The following EXOC3L4 variants were observed in gnomAD, a reference collection of about 807,000 sequenced individuals.
EXOC3L4 encodes exocyst complex component 3 like 4.
EXOC3L4 carries 62 observed loss-of-function variants against 69.7 expected under a neutral mutation model. The observed-to-expected ratio is 0.89, with a 90% confidence interval of 0.72 to 1.10. The LOEUF (loss-of-function observed/expected upper bound fraction) is 1.10, where lower values mean the gene tolerates loss of function less well. Among genes scored for constraint, EXOC3L4 ranks in the 50% least tolerant of loss-of-function variants. The probability of loss-of-function intolerance (pLI) is 0.00; values close to 1 mark genes in which losing one functional copy is unlikely to be tolerated. For synonymous variants in EXOC3L4, 502 were observed against 464.2 expected, an observed-to-expected ratio of 1.08 and a Z score of -1.05; for missense variants, 1,087 against 1,034.8, an observed-to-expected ratio of 1.05 and a Z score of -0.69.
chr14:103,109,941 T>TAACTC, intron 11 of EXOC3L4, 90 bp from the exon 12 acceptor site: 1 of 1,360,054 alleles, frequency 7.4e-7, no homozygotes. Flanking sequence ...TGACTCATAC[T>TAACTC]AACTCCCAAG....
intron 10 of EXOC3L4, among the ~76,000 whole-genome samples, 185 bp downstream of exon 10, chr14:103,107,968 T>G (rs1890666646): frequency 6.6e-6 from 1 of 152,062 alleles, no homozygotes; most frequent in African/African-American, 2.4e-5. Flanking sequence ...GGGCGGCACT[T>G]TGCATACATT....
Position 103,107,625 on chromosome 14 carries a change from G to T in EXOC3L4, c.1702-6G>T. 6.3e-7 allele frequency: 1 copy of T among 1,595,222 alleles called. No homozygotes were observed. The highest frequency in any genetic ancestry group is 1.1e-5 in the South Asian group (1 of 89,482). On this transcript the variant is annotated splice_polypyrimidine_tract_variant and splice_region_variant and intron_variant, in intron 9 of 11. Transcript: ENST00000688303. ...CTGACCCTGACCCTGACCCTGGGCCGCCCAGGAGACTCTGCAGGAGGTGCA... is the reference window on the plus strand; with the variant it reads ...CTGACCCTGACCCTGACCCTGGGCCTCCCAGGAGACTCTGCAGGAGGTGCA...
chr14:103,098,658 C>T (rs56839309), intron 1 of EXOC3L4: 9,683 of 152,336 alleles, frequency 0.064, 481 homozygotes, highest in South Asian at 0.13. Context: ...CTTCACAACA[C>T]CCCTGCCCTG....
At chr14:103,107,345 TG>T in intron 8 of EXOC3L4, 78 bp from the exon 9 acceptor site, 1 of 1,560,068 alleles carries the variant, frequency 6.4e-7, no homozygotes. Flanking sequence ...GGGTCAGGAG[TG>T]GCACACTGGG....
intron 4 of EXOC3L4, 53 bp from the exon 5 acceptor site, chr14:103,104,214 C>A (rs1215174973): frequency 1.3e-6 from 2 of 1,495,826 alleles, no homozygotes; most frequent in Non-Finnish European, 1.8e-6. Context: ...TCCCGGACGG[C>A]GCGGGACGGG....
At chr14:103,096,483 G>C (rs982540917) in intron 1 of EXOC3L4, among the ~76,000 whole-genome samples, 15 of 148,988 alleles carry the variant, frequency 1.0e-4, no homozygotes, top group Middle Eastern at 7.4e-3. Flanking sequence ...GAGGGTAGCT[G>C]TTGCCAGCTC....
chr14:103,106,236 C>G (rs1387697889), intron 7 of EXOC3L4, among the ~76,000 whole-genome samples: 1 of 152,254 alleles, frequency 6.6e-6, no homozygotes, highest in Admixed American at 6.5e-5. Context: ...GCATGACCAT[C>G]AGGCACTGCT....
rs1258191957 is a variant in EXOC3L4, at chr14:103,110,037, C to T, written c.1983C>T (p.Asp661=). 6.3e-7 allele frequency: 1 copy of T among 1,595,264 alleles called. No homozygotes were observed. The highest frequency in any genetic ancestry group is 1.3e-5 in the African/African-American group (1 of 74,750). The stretch of plus-strand genomic sequence containing the variant: ...TGCCCGCATGTCTCTGCAGGCGGGA[C>T]CACATACTGGCCATTCTGGCGCTGC... ...LIRSYPDIRR[D]HILAILALRR... Residue 661 remains aspartate, a synonymous_variant, in exon 12 of 12, where the codon GAC becomes GAT. Transcript: ENST00000688303.
intron 3 of EXOC3L4, among the ~76,000 whole-genome samples, chr14:103,103,060 C>A (rs959441160): frequency 4.6e-5 from 7 of 152,154 alleles, no homozygotes; most frequent in African/African-American, 9.6e-5. Flanking sequence ...TGCCTTTGGG[C>A]GCATCAGAAA....
In EXOC3L4 at chr14:103,097,707, C is replaced by T. The variant is rs983482267; in HGVS notation, c.-16-2497C>T. Among the ~76,000 whole-genome samples, 2 of 152,102 alleles carry T rather than the reference C, an allele frequency of 1.3e-5. No homozygotes were observed. Among genetic ancestry groups the T allele is most frequent in the East Asian group, 3.9e-4 (2 of 5,190 alleles). On this transcript the variant is annotated intron_variant, in intron 1 of 11. Transcript: ENST00000688303. This position sits in a 1 kb window ranked among gnomAD's most constrained non-coding sequence, Gnocchi z 4.9. ...CACTGAGCAGATAGATGGTGACGGC[C>T]GGTGGTGCAAGGCATCTGAACCCCG...
chr14:103,105,588 T>C (rs1217508237), intron 7 of EXOC3L4, among the ~76,000 whole-genome samples: 1 of 152,036 alleles, frequency 6.6e-6, no homozygotes. Context: ...TTTCCCTCCC[T>C]TCATCCCAGG....
At chr14:103,108,881 A>G (rs1279634854) in intron 11 of EXOC3L4, among the ~76,000 whole-genome samples, 2 of 152,046 alleles carry the variant, frequency 1.3e-5, no homozygotes, top group African/African-American at 4.8e-5. Flanking sequence ...GGGGTCGGTG[A>G]GTCATCCAAG....
At position 103,100,584 on chromosome 14, in the gene EXOC3L4, C is replaced by A; in HGVS notation, c.365C>A (p.Ala122Glu). The part of the protein sequence containing the change: ...NGVSQQASTG[A>E]ASEELKPEAE... ...GTCAGCCAGCAGGCATCCACTGGGG[C>A]AGCGTCTGAGGAACTGAAACCCGAG... The change falls in exon 2 of 12, where the codon GCA becomes GAA. Residue 122 changes from alanine (A) to glutamate (E), a missense_variant. Transcript: ENST00000688303. 1 of 1,607,108 alleles carries A rather than the reference C, an allele frequency of 6.2e-7. No homozygotes were observed.
chr14:103,106,327 C>T (rs2139503832), intron 7 of EXOC3L4, among the ~76,000 whole-genome samples: 1 of 152,362 alleles, frequency 6.6e-6, no homozygotes, highest in Middle Eastern at 3.4e-3. Flanking sequence ...AGGGAGCGTT[C>T]TCTGCCCCTT....
At chr14:103,109,161 C>T (rs1335482205) in intron 11 of EXOC3L4, among the ~76,000 whole-genome samples, 1 of 138,584 alleles carries the variant, frequency 7.2e-6, no homozygotes, top group African/African-American at 2.8e-5. Context: ...TCCCTCTCCA[C>T]CACCTGTCCC....
chr14:103,098,221 G>A (rs1034748854), intron 1 of EXOC3L4, among the ~76,000 whole-genome samples: 90 of 152,038 alleles, frequency 5.9e-4, no homozygotes, highest in Non-Finnish European at 1.5e-4. Flanking sequence ...CTTACCCGGC[G>A]CTCGTCTGGG....
chr14:103,104,692 AGGTCGGG>A (rs1333059078), intron 5 of EXOC3L4, 39 bp from the exon 6 acceptor site: 19 of 1,413,050 alleles, frequency 1.3e-5, no homozygotes, highest in Non-Finnish European at 1.7e-5. Context: ...CCGCGGCCTC[AGGTCGGG>A]GGCTGGGAGG....
chr14:103,096,654 G>A lies in EXOC3L4; in HGVS notation c.-17+1814G>A, dbSNP rs1295962181. Among the ~76,000 whole-genome samples the A allele has an allele frequency of 7.2e-5, 11 of 152,308 alleles. No individual in the cohort carries two copies. The South Asian group carries it at 2.3e-3, about 32-fold the overall frequency. On this transcript the variant is annotated intron_variant, in intron 1 of 11. Transcript: ENST00000688303. Reference sequence around the variant, plus strand: ...GTGTGAGCTAAGTTGCAAGCCCCATGTTTAAAGATGGATGCAGTCACCTTC... The same window carrying A: ...GTGTGAGCTAAGTTGCAAGCCCCATATTTAAAGATGGATGCAGTCACCTTC...
upstream of EXOC3L4, among the ~76,000 whole-genome samples, chr14:103,094,225 C>T (rs763532773): frequency 1.3e-5 from 2 of 152,150 alleles, no homozygotes; most frequent in Non-Finnish European, 2.9e-5. Context: ...TTCTCTAGCT[C>T]CTGAAGCCCC....
Sources: allele counts gnomAD v4.1 joint callset (sites outside exome capture counted in the v4.1 genomes callset), GRCh38; gene constraint gnomAD v4.1.1; non-coding constraint Gnocchi (gnomAD v3.1); transcripts MANE v1.5; gene names NCBI Gene and HGNC (gene_info 2026-07-23, HGNC 2026-07-21).